CACNA1C: variants seen among roughly 807,000 people sequenced by gnomAD.
The protein encoded by CACNA1C is calcium voltage-gated channel subunit alpha1 C.
In CACNA1C, 30 loss-of-function variants were observed where a neutral mutation model predicts 229.0. The ratio of observed to expected loss-of-function variants is 0.13; its 90% CI spans 0.10 to 0.18. The LOEUF is 0.18. CACNA1C is among the 10% of genes least tolerant of loss of function. CACNA1C has a pLI of 1.00. For synonymous variants in CACNA1C, 1,114 were observed against 1,132.5 expected (o/e 0.98, Z 0.33); for missense variants, 1,658 against 2,845.0 (o/e 0.58, Z 9.49).
chr12:2,299,123 G>A (rs2094346590), intron 3 of CACNA1C, among the ~76,000 whole-genome samples: 1 of 152,168 alleles, frequency 6.6e-6, no homozygotes, highest in Admixed American at 6.5e-5. Context: ...TGAATGCCAA[G>A]GTTGAATGCC....
rs142646967 is a variant in CACNA1C at position 2,002,998 on chromosome 12, C to G, written c.139+31797C>G. ...TTCTCCTGATCAAGAGGTACACTTT[C>G]TATTACAGAAGAACGAATATTAAAG... On this transcript the variant is annotated intron_variant, in intron 1 of 46. Transcript: ENST00000682462. 1.5e-3 allele frequency among the ~76,000 whole-genome samples: 229 copies of G among 152,252 alleles called. 1 individual carries two copies. Among genetic ancestry groups the G allele is most frequent in the African/African-American group, 5.3e-3 (222 of 41,558 alleles).
intron 5 of CACNA1C, among the ~76,000 whole-genome samples, chr12:2,463,287 T>A (rs904932815): frequency 6.6e-6 from 1 of 152,190 alleles, no homozygotes; most frequent in African/African-American, 2.4e-5. Context: ...TGGAAATAGA[T>A]GATTGCGAGG....
At chr12:2,477,759 A>C (rs1450376026) in intron 5 of CACNA1C, among the ~76,000 whole-genome samples, 1 of 151,192 alleles carries the variant, frequency 6.6e-6, no homozygotes, top group Admixed American at 6.6e-5. Context: ...TTCTGTAACC[A>C]CTCTTTCCAC....
intron 3 of CACNA1C, 47 bp from the exon 4 acceptor site, chr12:2,448,929 C>A: frequency 6.5e-7 from 1 of 1,541,560 alleles, no homozygotes; most frequent in Non-Finnish European, 8.9e-7. Context: ...TTCCAAATCC[C>A]CAAACCAATG....
At chr12:2,272,985 T>A (rs1429507705) in intron 3 of CACNA1C, among the ~76,000 whole-genome samples, 1 of 152,266 alleles carries the variant, frequency 6.6e-6, no homozygotes, top group African/African-American at 2.4e-5. Context: ...GTCCCAGTGA[T>A]ATCTTTGCTT....
chr12:2,239,132 C>T (rs537335378), intron 3 of CACNA1C, among the ~76,000 whole-genome samples: 4 of 152,272 alleles, frequency 2.6e-5, no homozygotes, highest in South Asian at 2.1e-4. Flanking sequence ...ACTGGGAAAG[C>T]GTCCGTGGGC....
chr12:2,150,050 A>G (rs886207813), intron 3 of CACNA1C, among the ~76,000 whole-genome samples: 1 of 152,206 alleles, frequency 6.6e-6, no homozygotes, highest in African/African-American at 2.4e-5. Context: ...AGACTGGGTA[A>G]CAGAGAGCCA....
chr12:2,550,399 GAC>G (rs2099896535), intron 10 of CACNA1C: 1 of 563,010 alleles, frequency 1.8e-6, no homozygotes, highest in Non-Finnish European at 2.8e-6. Flanking sequence ...TCTTCAAAGA[GAC>G]AGCGAGGTTA....
chr12:2,093,960 A>G (rs572076261), intron 1 of CACNA1C, among the ~76,000 whole-genome samples: 2 of 152,318 alleles, frequency 1.3e-5, no homozygotes, highest in South Asian at 4.1e-4. Flanking sequence ...CAAAGCAGAC[A>G]TCCCATTTTC....
intron 3 of CACNA1C, among the ~76,000 whole-genome samples, chr12:2,214,993 C>G (rs1029384201): frequency 1.3e-5 from 2 of 152,124 alleles, no homozygotes; most frequent in African/African-American, 4.8e-5. Context: ...CACAGGGGCT[C>G]TCTCTGGGTT....
At chr12:2,103,561 G>T (rs776812658) in intron 1 of CACNA1C, among the ~76,000 whole-genome samples, 2 of 152,152 alleles carry the variant, frequency 1.3e-5, no homozygotes, top group Non-Finnish European at 2.9e-5. Context: ...CTTTTGGTGT[G>T]CAGAAGCTCT....
chr12:2,014,350 T>C (rs1487541588), intron 1 of CACNA1C, among the ~76,000 whole-genome samples: 4 of 152,152 alleles, frequency 2.6e-5, no homozygotes, highest in East Asian at 1.9e-4. Flanking sequence ...TAGCAACTCA[T>C]GGCTCAGCAC....
At chr12:2,565,475 G>GAAAA (rs4016834) in intron 11 of CACNA1C, among the ~76,000 whole-genome samples, 2 of 117,744 alleles carry the variant, frequency 1.7e-5, no homozygotes, top group African/African-American at 3.2e-5. Context: ...CTCCGTCTCA[G>GAAAA]AAAAAAAAAA....
intron 3 of CACNA1C, among the ~76,000 whole-genome samples, chr12:2,340,231 A>G (rs985076580): frequency 6.6e-6 from 1 of 152,246 alleles, no homozygotes; most frequent in Non-Finnish European, 1.5e-5. Flanking sequence ...TGTATTCTAT[A>G]TATACCCCTT....
intron 3 of CACNA1C, among the ~76,000 whole-genome samples, chr12:2,322,359 G>A (rs755282910): frequency 5.3e-5 from 8 of 152,174 alleles, no homozygotes; most frequent in Non-Finnish European, 8.8e-5. Flanking sequence ...GGGAGGGCCC[G>A]AGGGCCTGCC....
At chr12:2,342,829 G>T (rs1056538773) in intron 3 of CACNA1C, among the ~76,000 whole-genome samples, 2 of 152,078 alleles carry the variant, frequency 1.3e-5, no homozygotes, top group African/African-American at 4.8e-5. Flanking sequence ...CCTTGTGTTT[G>T]ATTTCTGTAG....
Position 2,602,567 on chromosome 12 carries a change from GTGTA to G in CACNA1C, c.2960+615_2960+618del, listed in dbSNP as rs1003447324. Among the ~76,000 whole-genome samples the G allele has an allele frequency of 3.9e-5, 6 of 151,934 alleles. No homozygotes were observed. Among genetic ancestry groups the G allele is most frequent in the African/African-American group, 1.2e-4 (5 of 41,326 alleles). On this transcript the variant is annotated intron_variant, in intron 22 of 46. Transcript: ENST00000399655. This position sits in a 1 kb window ranked among gnomAD's most constrained non-coding sequence, Gnocchi z 4.4. ...TGTGTCTATGGACGTGAATGTATAT[GTGTA>G]TGTATGTGCATATGTATGTGTGAGT... is the stretch of plus-strand genomic sequence containing the variant.
At chr12:2,480,329 T>C (rs1428603587) in intron 5 of CACNA1C, among the ~76,000 whole-genome samples, 1 of 152,156 alleles carries the variant, frequency 6.6e-6, no homozygotes, top group Non-Finnish European at 1.5e-5. Flanking sequence ...CATTCAGCCT[T>C]CAGCTTAAGC....
intron 1 of CACNA1C, among the ~76,000 whole-genome samples, chr12:2,059,054 C>T (rs181941677): frequency 2.0e-5 from 3 of 152,216 alleles, no homozygotes; most frequent in Non-Finnish European, 4.4e-5. Context: ...TCTCTACTGC[C>T]CCCTTTCCCC....
Sources: allele counts gnomAD v4.1 joint callset (sites outside exome capture counted in the v4.1 genomes callset), GRCh38; gene constraint gnomAD v4.1.1; non-coding constraint Gnocchi (gnomAD v3.1); transcripts MANE v1.5; gene names NCBI Gene and HGNC (gene_info 2026-07-23, HGNC 2026-07-21).